Variants in CCR3 observed in about 807,000 individuals in gnomAD.
The protein encoded by CCR3 is C-C motif chemokine receptor 3, also known as C-C chemokine receptor type 3.
For missense variants in CCR3, 419 were observed against 437.5 expected, an observed-to-expected ratio of 0.96 and a Z score of 0.38; for synonymous variants, 203 against 179.2, an observed-to-expected ratio of 1.13 and a Z score of -1.06.
chr3:46,233,589 T>C (rs1485009281), intron 2 of CCR3, among the ~76,000 whole-genome samples: 2 of 152,148 alleles, frequency 1.3e-5, no homozygotes, highest in Non-Finnish European at 2.9e-5. Flanking sequence ...GCAGTGAGAA[T>C]CTGGGAGATT....
At position 46,266,105 on chromosome 3, in the gene CCR3, T is replaced by A; in HGVS notation, c.947T>A (p.Phe316Tyr). Residue 316 changes from phenylalanine (F) to tyrosine (Y), a missense_variant, in exon 2 of 2, where the codon TTC becomes TAC. Physicochemically the swap from Phe to Tyr is conservative, Grantham distance 22 (BLOSUM62 3). Coordinates refer to ENST00000395940, the MANE Select transcript of CCR3 (RefSeq NM_178329.3). ...TTCCGGAAGTACCTGCGCCACTTCT[T>A]CCACAGGCACTTGCTCATGCACCTG... Reference protein sequence around the residue: ...ERFRKYLRHFFHRHLLMHLGR... With the variant: ...ERFRKYLRHFYHRHLLMHLGR... 6.2e-7 allele frequency: 1 copy of A among 1,614,022 alleles called. No individual in the cohort carries two copies. Among genetic ancestry groups the A allele is most frequent in the Non-Finnish European group, 8.5e-7 (1 of 1,179,988 alleles).
Position 46,265,588 on chromosome 3 carries a change from G to T in CCR3, c.430G>T (p.Ala144Ser), listed in dbSNP as rs1700609892. The T allele has an allele frequency of 1.2e-6, 2 of 1,614,102 alleles. No individual in the cohort carries two copies. Among genetic ancestry groups the T allele is most frequent in the Non-Finnish European group, 1.7e-6 (2 of 1,180,010 alleles). Reference protein sequence around the residue: ...AIVHAVFALRARTVTFGVITS... With the variant: ...AIVHAVFALRSRTVTFGVITS... ...TGTCCATGCTGTGTTTGCCCTTCGAGCCCGGACTGTCACTTTTGGTGTCAT... is the reference window on the plus strand; with the variant it reads ...TGTCCATGCTGTGTTTGCCCTTCGATCCCGGACTGTCACTTTTGGTGTCAT... Residue 144 changes from alanine to serine, a missense_variant, in exon 2 of 2, where the codon GCC becomes TCC. Coordinates refer to ENST00000395940, the MANE Select transcript of CCR3 (RefSeq NM_178329.3).
chr3:46,216,344 G>A (rs559920058), intron 2 of CCR3, among the ~76,000 whole-genome samples: 5 of 152,318 alleles, frequency 3.3e-5, no homozygotes, highest in Admixed American at 1.3e-4. Flanking sequence ...TGAGCTTGAA[G>A]GCACCTGTGT....
rs913665746 is a variant in CCR3 at position 46,249,829 on chromosome 3, G to A, written c.-12+7291G>A. Among the ~76,000 whole-genome samples the A allele has an allele frequency of 3.6e-4, 55 of 152,060 alleles. 1 individual carries two copies. The highest frequency in any genetic ancestry group is 3.3e-3 in the Admixed American group (50 of 15,276). ...TGTTTGGAAGTTCTTGTGTGCTGGG[G>A]ATGTGGCTGGGGTTTGTCTCACAGT... On this transcript the variant is annotated intron_variant, in intron 1 of 1. Transcript: ENST00000395940.
chr3:46,214,766 G>T (rs985580296), intron 2 of CCR3, among the ~76,000 whole-genome samples: 1 of 152,170 alleles, frequency 6.6e-6, no homozygotes, highest in African/African-American at 2.4e-5. Context: ...CTGCAGGGCA[G>T]TGTGGATGAT....
At chr3:46,234,067 A>G (rs1302709770) in intron 2 of CCR3, among the ~76,000 whole-genome samples, 1 of 152,242 alleles carries the variant, frequency 6.6e-6, no homozygotes, top group African/African-American at 2.4e-5. Context: ...GTGCCTGTGC[A>G]TGCATCAGGC....
upstream of CCR3, among the ~76,000 whole-genome samples, chr3:46,238,917 A>C (rs149040070): frequency 6.6e-6 from 1 of 152,354 alleles, no homozygotes; most frequent in African/African-American, 2.4e-5. Context: ...CATAACGCAG[A>C]TCAGCGGTTG....
At chr3:46,234,872 C>G (rs1269131354) in intron 2 of CCR3, among the ~76,000 whole-genome samples, 1 of 152,198 alleles carries the variant, frequency 6.6e-6, no homozygotes, top group Non-Finnish European at 1.5e-5. Context: ...CTGGGGAATT[C>G]TAAGGCTACA....
At chr3:46,223,414 A>G (rs1699859542) in intron 2 of CCR3, among the ~76,000 whole-genome samples, 1 of 152,244 alleles carries the variant, frequency 6.6e-6, no homozygotes, top group Non-Finnish European at 1.5e-5. Context: ...AGCATTTTAT[A>G]TCATGTTATC....
intron 2 of CCR3, among the ~76,000 whole-genome samples, chr3:46,214,187 A>G (rs924782741): frequency 1.3e-5 from 2 of 152,148 alleles, no homozygotes; most frequent in Non-Finnish European, 2.9e-5. Flanking sequence ...TGTTATCCTC[A>G]TTCTTAGCTG....
At chr3:46,229,870 G>A (rs1304719748) in intron 2 of CCR3, among the ~76,000 whole-genome samples, 4 of 152,152 alleles carry the variant, frequency 2.6e-5, no homozygotes, top group Non-Finnish European at 5.9e-5. Flanking sequence ...AAACAGCATA[G>A]GAGTCAGAGA....
chr3:46,246,956 T>C (rs1700206118), intron 1 of CCR3, among the ~76,000 whole-genome samples: 3 of 151,932 alleles, frequency 2.0e-5, no homozygotes, highest in Non-Finnish European at 2.9e-5. Context: ...ATTTGTCGTA[T>C]AGAATGATTG....
intron 2 of CCR3, among the ~76,000 whole-genome samples, chr3:46,219,211 C>T (rs2125923181): frequency 6.6e-6 from 1 of 152,012 alleles, no homozygotes; most frequent in Admixed American, 6.6e-5. Context: ...CAAATCAAAA[C>T]CTCAACCCCT....
upstream of CCR3, among the ~76,000 whole-genome samples, chr3:46,238,369 A>G (rs1357459642): frequency 2.0e-5 from 3 of 152,110 alleles, no homozygotes; most frequent in East Asian, 5.8e-4. Context: ...TTTGCCATCT[A>G]TACTTTTTTT....
At chr3:46,260,761 A>G (rs1700511294) in intron 1 of CCR3, among the ~76,000 whole-genome samples, 1 of 152,234 alleles carries the variant, frequency 6.6e-6, no homozygotes, top group African/African-American at 2.4e-5. Context: ...AATTATTTTG[A>G]TGAGAAATAA....
At chr3:46,233,090 C>T (rs1699984645) in intron 2 of CCR3, among the ~76,000 whole-genome samples, 1 of 152,254 alleles carries the variant, frequency 6.6e-6, no homozygotes, top group African/African-American at 2.4e-5. Flanking sequence ...CTCAGCCTCC[C>T]AAAGTGCTGG....
At chr3:46,224,491 A>T (rs983720909) in intron 2 of CCR3, among the ~76,000 whole-genome samples, 7 of 152,146 alleles carry the variant, frequency 4.6e-5, no homozygotes, top group African/African-American at 1.7e-4. Context: ...TAATCCCAGC[A>T]CTTTGGGAGG....
In CCR3 at chr3:46,254,142, G is replaced by A. The variant is rs567346037; in HGVS notation, c.-11-11006G>A. 8.5e-5 allele frequency among the ~76,000 whole-genome samples: 13 copies of A among 152,224 alleles called. No individual in the cohort carries two copies. The East Asian group carries it at 2.5e-3, about 29-fold the overall frequency. On this transcript the variant is annotated intron_variant, in intron 1 of 1. Transcript: ENST00000395940. ...AGAACACCCTGAATAGAATTATCCAGCAATGAAATGGGTGCCATGTGAGGT... is the reference window on the plus strand; with the variant it reads ...AGAACACCCTGAATAGAATTATCCAACAATGAAATGGGTGCCATGTGAGGT...
intron 1 of CCR3, among the ~76,000 whole-genome samples, chr3:46,258,011 G>C (rs1209499485): frequency 6.6e-6 from 1 of 152,176 alleles, no homozygotes; most frequent in East Asian, 1.9e-4. Context: ...AGACCAATTT[G>C]CGTTCTGTAA....
Sources: gnomAD v4.1 joint callset for allele counts (sites outside exome capture counted in the v4.1 genomes callset) on GRCh38, gnomAD v4.1.1 for gene constraint, MANE v1.5 for transcripts, NCBI Gene and HGNC (gene_info 2026-07-23, HGNC 2026-07-21) for gene names.